Variants in C1orf185 observed in about 807,000 individuals in gnomAD.
The protein encoded by C1orf185 is chromosome 1 open reading frame 185.
Under a neutral mutation model 16.1 loss-of-function variants are expected in C1orf185, and 13 were observed. That is an observed-to-expected ratio of 0.81 (90% CI 0.53 to 1.28). The LOEUF (loss-of-function observed/expected upper bound fraction) is 1.28. C1orf185 is among the 50% of genes most tolerant of loss of function. C1orf185 has a pLI of 0.00. For missense variants in C1orf185, 220 were observed against 225.2 expected, an observed-to-expected ratio of 0.98 and a Z score of 0.15; for synonymous variants, 80 against 76.9, an observed-to-expected ratio of 1.04 and a Z score of -0.21.
At chr1:51,126,484 C>T (rs1646241536) in intron 3 of C1orf185, among the ~76,000 whole-genome samples, 1 of 152,144 alleles carries the variant, frequency 6.6e-6, no homozygotes, top group Non-Finnish European at 1.5e-5. Context: ...TAATCTCGAA[C>T]TCCTGGGCTC....
intron 1 of C1orf185, among the ~76,000 whole-genome samples, chr1:51,105,935 G>A (rs978201759): frequency 1.3e-5 from 2 of 152,080 alleles, no homozygotes; most frequent in East Asian, 1.9e-4. Context: ...TTTCCTTCCC[G>A]TGGTAAAATG....
At chr1:51,145,158 A>G (rs558215611) in intron 3 of C1orf185, among the ~76,000 whole-genome samples, 2 of 152,138 alleles carry the variant, frequency 1.3e-5, no homozygotes, top group South Asian at 4.2e-4. Flanking sequence ...AAATATTCCC[A>G]AGCCAGGTAT....
chr1:51,128,503 C>T (rs907033619), intron 3 of C1orf185, among the ~76,000 whole-genome samples: 2 of 152,002 alleles, frequency 1.3e-5, no homozygotes, highest in African/African-American at 4.8e-5. Context: ...ACCAGCCTGG[C>T]CAGTATGGCG....
rs1425664376 is a variant in C1orf185, at chr1:51,131,727, C to T, written c.258+12926C>T. ...AGCAATGGTCTTTTACAACTTTCTA[C>T]ATTTAAACCTAAAATAAGCAATGAT... On this transcript the variant is annotated intron_variant, in intron 3 of 4. Coordinates refer to ENST00000371759, the MANE Select transcript of C1orf185 (RefSeq NM_001136508.2). 2.0e-5 allele frequency among the ~76,000 whole-genome samples: 3 copies of T among 152,198 alleles called. No individual in the cohort carries two copies. In the East Asian group the frequency reaches 5.8e-4, roughly 29 times the overall value.
chr1:51,149,098 TACAGTTCTGA>T (rs1243089994), downstream of C1orf185, among the ~76,000 whole-genome samples: 1 of 152,190 alleles, frequency 6.6e-6, no homozygotes, highest in Non-Finnish European at 1.5e-5. Context: ...AATTTCTATT[TACAGTTCTGA>T]GGGATGTCTG....
rs573529759 is a variant in C1orf185 at position 51,147,026 on chromosome 1, T to C, written c.296-441T>C. Among the ~76,000 whole-genome samples, 97 of 152,266 alleles carry C rather than the reference T, an allele frequency of 6.4e-4. 2 individuals are homozygous for C. The highest frequency in any genetic ancestry group is 2.2e-3 in the Admixed American group (33 of 15,290). On this transcript the variant is annotated intron_variant, in intron 4 of 4. Transcript: ENST00000371759. ...AACTATGTATATTACAAATGTTTTT[T>C]GCTTGGTTTTGAGTTTTAAAGATTA...
chr1:51,103,243 AAAAAATTT>A (rs1471935925), intron 1 of C1orf185, among the ~76,000 whole-genome samples: 1 of 151,966 alleles, frequency 6.6e-6, no homozygotes, highest in Non-Finnish European at 1.5e-5. Context: ...CCATCTCTAC[AAAAAATTT>A]AAAAATTAGA....
chr1:51,123,794 C>G (rs1646214965), intron 3 of C1orf185, among the ~76,000 whole-genome samples: 1 of 152,058 alleles, frequency 6.6e-6, no homozygotes, highest in South Asian at 2.1e-4. Flanking sequence ...TATTTGCTAT[C>G]TATCTTCTTC....
chr1:51,108,614 C>A (rs1034022132), intron 1 of C1orf185, among the ~76,000 whole-genome samples: 3 of 152,116 alleles, frequency 2.0e-5, no homozygotes, highest in Non-Finnish European at 2.9e-5. Flanking sequence ...TGGTAACCAC[C>A]ATTTTACTCT....
intron 1 of C1orf185, among the ~76,000 whole-genome samples, chr1:51,109,184 AT>A (rs936765709): frequency 5.4e-4 from 82 of 152,170 alleles, no homozygotes; most frequent in African/African-American, 1.9e-3. Context: ...GATGCTGAAC[AT>A]TTTTTCATAT....
intron 1 of C1orf185, 96 bp downstream of exon 1, chr1:51,102,345 G>C (rs191276062): frequency 1.5e-6 from 1 of 681,338 alleles, no homozygotes; most frequent in East Asian, 2.7e-5. Flanking sequence ...CTATTCTCTG[G>C]AAGAGCTTGT....
At chr1:51,132,404 C>T (rs1646292413) in intron 3 of C1orf185, among the ~76,000 whole-genome samples, 1 of 152,130 alleles carries the variant, frequency 6.6e-6, no homozygotes, top group Admixed American at 6.6e-5. Context: ...CCTCACAAAC[C>T]TGATAGAGCT....
At chr1:51,138,473 AG>A (rs200116476) in intron 3 of C1orf185, among the ~76,000 whole-genome samples, 2,457 of 152,012 alleles carry the variant, frequency 0.016, 72 homozygotes, top group African/African-American at 0.057. Context: ...GCTCACTGCA[AG>A]CTCTGCCTCC....
At chr1:51,116,733 T>C (rs554980466) in intron 2 of C1orf185, among the ~76,000 whole-genome samples, 2 of 152,250 alleles carry the variant, frequency 1.3e-5, no homozygotes, top group East Asian at 3.9e-4. Context: ...CCCAATCTCA[T>C]CTCCCACTTT....
downstream of C1orf185, among the ~76,000 whole-genome samples, chr1:51,150,018 C>A (rs1646423156): frequency 6.6e-6 from 1 of 152,172 alleles, no homozygotes; most frequent in South Asian, 2.1e-4. Flanking sequence ...GTTAAGGAAC[C>A]CTTGTAATTT....
intron 3 of C1orf185, among the ~76,000 whole-genome samples, chr1:51,135,920 C>A (rs1317323829): frequency 6.6e-6 from 1 of 152,174 alleles, no homozygotes; most frequent in Non-Finnish European, 1.5e-5. Flanking sequence ...ATTGTCTCAG[C>A]CCAAAAGCTC....
At chr1:51,119,698 G>A (rs113137673) in intron 3 of C1orf185, among the ~76,000 whole-genome samples, 2 of 152,202 alleles carry the variant, frequency 1.3e-5, no homozygotes, top group African/African-American at 4.8e-5. Flanking sequence ...TGTTCAGGAG[G>A]CTGAGGCAGG....
chr1:51,120,944 A>G (rs1646193082), intron 3 of C1orf185, among the ~76,000 whole-genome samples: 2 of 152,312 alleles, frequency 1.3e-5, no homozygotes, highest in African/African-American at 4.8e-5. Context: ...GCACAAGTAA[A>G]CACAAAAGAT....
chr1:51,137,747 C>T (rs1469570725), intron 3 of C1orf185, among the ~76,000 whole-genome samples: 1 of 152,102 alleles, frequency 6.6e-6, no homozygotes, highest in Non-Finnish European at 1.5e-5. Context: ...AAGACACATG[C>T]ATGTGTATGT....
Sources: gnomAD v4.1 joint callset for allele counts (sites outside exome capture counted in the v4.1 genomes callset) on GRCh38, gnomAD v4.1.1 for gene constraint, MANE v1.5 for transcripts, NCBI Gene and HGNC (gene_info 2026-07-23, HGNC 2026-07-21) for gene names.